The following AHNAK2 variants were observed in gnomAD, a reference collection of about 807,000 sequenced individuals.
The protein encoded by AHNAK2 is protein AHNAK2.
Under a neutral mutation model 30.7 loss-of-function variants are expected in AHNAK2, and 18 were observed. The ratio of observed to expected loss-of-function variants is 0.59; its 90% CI spans 0.41 to 0.87. The LOEUF is 0.87. AHNAK2 is among the 40% of genes least tolerant of loss of function. The pLI, the probability that AHNAK2 is intolerant of heterozygous loss-of-function variation, is 0.00. For missense variants in AHNAK2, 8,604 were observed against 7,373.0 expected, an observed-to-expected ratio of 1.17 and a Z score of -6.11; for synonymous variants, 3,590 against 3,073.8, an observed-to-expected ratio of 1.17 and a Z score of -5.56.
In AHNAK2 at chr14:104,944,826, A is replaced by C; in HGVS notation, c.10625T>G (p.Leu3542Arg). The change falls in exon 7 of 7, where the codon CTG becomes CGG. Residue 3542 changes from leucine (L) to arginine (R), a missense_variant. Physicochemically the swap from Leu to Arg is moderately radical, Grantham distance 102. Coordinates refer to ENST00000333244, the MANE Select transcript of AHNAK2 (RefSeq NM_138420.4). ...VQAVQVDVELLEGPVPEGAGL... is the reference protein window; with the variant it reads ...VQAVQVDVELREGPVPEGAGL... ...GGCTCCCTCGGGCACGGGGCCCTCC[A>C]GGAGTTCCACATCCACTTGGACAGC... 6.2e-7 allele frequency: 1 copy of C among 1,610,844 alleles called. No individual in the cohort carries two copies. Among genetic ancestry groups the C allele is most frequent in the African/African-American group, 1.3e-5 (1 of 74,222 alleles).
Position 104,953,222 on chromosome 14 carries a change from A to G in AHNAK2, c.2229T>C (p.Leu743=), listed in dbSNP as rs74525871. The part of the protein sequence containing the change: ...EVQDGQVDVK[L]PEGPLPEGAS... ...CTCCCTCGGGCAGGGGGCCCTCCGG[A>G]AGTTTCACATCCACTTGGCCATCCT... The change falls in exon 7 of 7, where the codon CTT becomes CTC. Residue 743 remains leucine, a synonymous_variant. Coordinates refer to ENST00000333244, the MANE Select transcript of AHNAK2 (RefSeq NM_138420.4). 115,140 of 1,612,376 alleles carry G rather than the reference A, an allele frequency of 0.071. 8,951 individuals are homozygous for G. The highest frequency in any genetic ancestry group is 0.3 in the East Asian group (13,615 of 44,750).
chr14:104,956,598 C>T lies in AHNAK2; in HGVS notation c.305G>A (p.Ser102Asn). Residue 102 changes from serine (S) to asparagine (N), a missense_variant, in exon 4 of 7, where the codon AGT becomes AAT. Physicochemically the swap from Ser to Asn is conservative, Grantham distance 46 (BLOSUM62 1). Transcript: ENST00000333244. Reference protein sequence around the residue: ...SGDSRTFFRMSRPEAVQEATE... With the variant: ...SGDSRTFFRMNRPEAVQEATE... ...TCCTGCTGTACCCACCTCTGGACGA[C>T]TCATCCTGAAAAATGTCCGTGAGTC... The T allele has an allele frequency of 6.2e-7, 1 of 1,613,950 alleles. No homozygotes were observed.
chr14:104,947,610 A>G lies in AHNAK2; in HGVS notation c.7841T>C (p.Met2614Thr), dbSNP rs1174093266. ...APDVEMSLSS[M>T]EVDVQAPRAK... ...TCTCGGGGCCTGGACGTCCACCTCCATGCTGGACAGAGACATCTCCACATC... is the reference window on the plus strand; with the variant it reads ...TCTCGGGGCCTGGACGTCCACCTCCGTGCTGGACAGAGACATCTCCACATC... The change falls in exon 7 of 7, where the codon ATG (methionine) becomes ACG (threonine). Residue 2614 changes from methionine to threonine, a missense_variant. Coordinates refer to ENST00000333244, the MANE Select transcript of AHNAK2 (RefSeq NM_138420.4). 1 of 1,612,800 alleles carries G rather than the reference A, an allele frequency of 6.2e-7. No homozygotes were observed. Among genetic ancestry groups the G allele is most frequent in the Non-Finnish European group, 8.5e-7 (1 of 1,179,598 alleles).
Position 104,939,754 on chromosome 14 carries a change from T to C in AHNAK2, c.15697A>G (p.Lys5233Glu), listed in dbSNP as rs749050687. The C allele has an allele frequency of 2.5e-6, 4 of 1,613,846 alleles. No individual in the cohort carries two copies. The highest frequency in any genetic ancestry group is 4.5e-5 in the East Asian group (2 of 44,886). ...TTTGACCCAGAAACAAGGAACTCTT[T>C]GACTTTAGCTGCTGCTTCACCCCCT... The part of the protein sequence containing the change: ...ATGGEAAAKV[K>E]EFLVSGSNVE... The change falls in exon 7 of 7, where the codon AAA (lysine) becomes GAA (glutamate). Residue 5233 changes from lysine to glutamate, a missense_variant. Coordinates refer to ENST00000333244, the MANE Select transcript of AHNAK2 (RefSeq NM_138420.4).
At position 104,946,257 on chromosome 14, in the gene AHNAK2, T is replaced by C; in HGVS notation, c.9194A>G (p.Gln3065Arg). Residue 3065 changes from glutamine to arginine, a missense_variant, in exon 7 of 7, where the codon CAG becomes CGG. Transcript: ENST00000333244. Reference protein sequence around the residue: ...AGLKGHLPKLQMPSFKMPKVD... With the variant: ...AGLKGHLPKLRMPSFKMPKVD... ...TTTGGGCATCTTGAAACTGGGCATC[T>C]GCAACTTGGGCAGGTGCCCTTTGAG... The C allele has an allele frequency of 2.5e-6, 4 of 1,609,596 alleles. No individual in the cohort carries two copies. The highest frequency in any genetic ancestry group is 3.4e-6 in the Non-Finnish European group (4 of 1,178,276).
At position 104,949,232 on chromosome 14, in the gene AHNAK2, C is replaced by T. The variant is rs549832303; in HGVS notation, c.6219G>A (p.Lys2073=). ...EGAGLKGHLP[K]VEMPSLKMPK... The stretch of plus-strand genomic sequence containing the variant: ...GCATCTTCAAACTGGGCATCTCCAC[C>T]TTGGGCAGGTGCCCTTTGAGGCCAG... Residue 2073 remains lysine (K), a synonymous_variant, in exon 7 of 7, where the codon AAG becomes AAA. Coordinates refer to ENST00000333244, the MANE Select transcript of AHNAK2 (RefSeq NM_138420.4). 439 of 1,070,326 alleles carry T rather than the reference C, an allele frequency of 4.1e-4. 2 individuals are homozygous for T. In the African/African-American group the frequency reaches 5.6e-3, roughly 14 times the overall value. 66.3% of individuals were successfully genotyped at this position (1,070,326 alleles called of 1,614,324 possible). A position where few individuals can be genotyped will look rare whatever the true frequency, so the allele number is the denominator to read the frequency against.
Position 104,942,712 on chromosome 14 carries a change from C to G in AHNAK2, c.12739G>C (p.Gly4247Arg). ...GGGGTCATCACATCCGCCTTGGGGCCTTTCAGGTCCAGCTTGGGGCCCTTG... is the reference window on the plus strand; with the variant it reads ...GGGGTCATCACATCCGCCTTGGGGCGTTTCAGGTCCAGCTTGGGGCCCTTG... ...DVKGPKLDLK[G>R]PKADVMTPVV... Residue 4247 changes from glycine (G) to arginine (R), a missense_variant, in exon 7 of 7, where the codon GGC becomes CGC. Transcript: ENST00000333244. 6.2e-7 allele frequency: 1 copy of G among 1,613,392 alleles called. No homozygotes were observed. The highest frequency in any genetic ancestry group is 8.5e-7 in the Non-Finnish European group (1 of 1,179,730).
At position 104,947,348 on chromosome 14, in the gene AHNAK2, G is replaced by T. The variant is rs1245689223; in HGVS notation, c.8103C>A (p.Pro2701=). The part of the protein sequence containing the change: ...LKTTDISIQP[P]SAQLEVQAGQ... Reference sequence around the variant, plus strand: ...CAGCCTGGACCTCCAGTTGGGCAGAGGGGGGCTGAATGCTGATGTCAGTGG... The same window carrying T: ...CAGCCTGGACCTCCAGTTGGGCAGATGGGGGCTGAATGCTGATGTCAGTGG... The change falls in exon 7 of 7, where the codon CCC becomes CCA. Residue 2701 remains proline (P), a synonymous_variant. Coordinates refer to ENST00000333244, the MANE Select transcript of AHNAK2 (RefSeq NM_138420.4). 6.2e-7 allele frequency: 1 copy of T among 1,612,270 alleles called. No individual in the cohort carries two copies. The highest frequency in any genetic ancestry group is 1.3e-5 in the African/African-American group (1 of 74,262).
At position 104,956,586 on chromosome 14, in the gene AHNAK2, A is replaced by T. The variant is rs746754125; in HGVS notation, c.315+2T>A. The T allele has an allele frequency of 1.9e-6, 3 of 1,613,320 alleles. No individual in the cohort carries two copies. Among genetic ancestry groups the T allele is most frequent in the Non-Finnish European group, 2.5e-6 (3 of 1,179,672 alleles). On this transcript the variant is annotated splice_donor_variant, in intron 4 of 6. Coordinates refer to ENST00000333244, the MANE Select transcript of AHNAK2 (RefSeq NM_138420.4). LOFTEE classifies it high-confidence loss of function. ...GTGACCCTCAGCTCCTGCTGTACCC[A>T]CCTCTGGACGACTCATCCTGAAAAA...
rs1200004871 is a variant in AHNAK2 at position 104,947,831 on chromosome 14, C to T, written c.7620G>A (p.Leu2540=). ...DLSIQPPSAD[L]EVQAGQVDVK... is the part of the protein sequence containing the mutation. ...CGTCCACTTGGCCAGCCTGGACCTCCAGGTCAGCGGAAGGGGGCTGAATGC... is the reference window on the plus strand; with the variant it reads ...CGTCCACTTGGCCAGCCTGGACCTCTAGGTCAGCGGAAGGGGGCTGAATGC... Residue 2540 remains leucine (L), a synonymous_variant, in exon 7 of 7, where the codon CTG becomes CTA. Coordinates refer to ENST00000333244, the MANE Select transcript of AHNAK2 (RefSeq NM_138420.4). 6.2e-7 allele frequency: 1 copy of T among 1,612,728 alleles called. No homozygotes were observed. Among genetic ancestry groups the T allele is most frequent in the Non-Finnish European group, 8.5e-7 (1 of 1,179,630 alleles).
rs1168663763 is a variant in AHNAK2 at position 104,938,142 on chromosome 14, G to T, written c.17309C>A (p.Thr5770Lys). The part of the protein sequence containing the change: ...SRVMVTSAAR[T>K]ELILPEQDRK... ...GTCCTGCTCGGGCAGGATTAACTCT[G>T]TTCTTGCCGCGGATGTCACCATCAC... The change falls in exon 7 of 7, where the codon ACA (threonine) becomes AAA (lysine). Residue 5770 changes from threonine to lysine, a missense_variant. Transcript: ENST00000333244. 4.3e-6 allele frequency: 7 copies of T among 1,613,938 alleles called. No homozygotes were observed. Among genetic ancestry groups the T allele is most frequent in the Non-Finnish European group, 5.9e-6 (7 of 1,179,890 alleles).
Position 104,959,690 on chromosome 14 carries a change from C to A in AHNAK2, c.56-2018G>T, listed in dbSNP as rs187779450. 2.3e-3 allele frequency among the ~76,000 whole-genome samples: 355 copies of A among 152,174 alleles called. 3 individuals are homozygous for A. The highest frequency in any genetic ancestry group is 8.0e-3 in the African/African-American group (333 of 41,520). On this transcript the variant is annotated intron_variant, in intron 1 of 6. Coordinates refer to ENST00000333244, the MANE Select transcript of AHNAK2 (RefSeq NM_138420.4). The stretch of plus-strand genomic sequence containing the variant: ...AAAAATAAAGGCATTCCCAAATGAA[C>A]AAAGACTTGGAAATGTCATTGCTAG...
Position 104,950,012 on chromosome 14 carries a change from G to C in AHNAK2, c.5439C>G (p.Asp1813Glu). The C allele has an allele frequency of 6.3e-7, 1 of 1,587,166 alleles. No homozygotes were observed. The highest frequency in any genetic ancestry group is 8.6e-7 in the Non-Finnish European group (1 of 1,163,216). ...TGCTGTCTTTGGCAGTCACATCCTTGTCGGCCAGGGACAGGTCACCCTCCA... is the reference window on the plus strand; with the variant it reads ...TGCTGTCTTTGGCAGTCACATCCTTCTCGGCCAGGGACAGGTCACCCTCCA... ...VRLEGDLSLA[D>E]KDVTAKDSKF... Residue 1813 changes from aspartate to glutamate, a missense_variant, in exon 7 of 7, where the codon GAC (aspartate) becomes GAG (glutamate). Coordinates refer to ENST00000333244, the MANE Select transcript of AHNAK2 (RefSeq NM_138420.4).
rs766190110 is a variant in AHNAK2, at chr14:104,939,242, A to T, written c.16209T>A (p.Asp5403Glu). The change falls in exon 7 of 7, where the codon GAT (aspartate) becomes GAA (glutamate). Residue 5403 changes from aspartate (D) to glutamate (E), a missense_variant. By Grantham distance (45) the Asp-to-Glu change is conservative. Transcript: ENST00000333244. ...CCCTCACAGTGGGGATGAACACATC[A>T]TCCTCTGAGCTGGGGGCAGGGAAGG... is the stretch of plus-strand genomic sequence containing the variant. ...RFSFPAPSSE[D>E]DVFIPTVREV... 3 of 1,613,914 alleles carry T rather than the reference A, an allele frequency of 1.9e-6. No homozygotes were observed. The highest frequency in any genetic ancestry group is 2.5e-6 in the Non-Finnish European group (3 of 1,179,908).
rs745870336 is a variant in AHNAK2 at position 104,952,425 on chromosome 14, C to G, written c.3026G>C (p.Gly1009Ala). 6.2e-7 allele frequency: 1 copy of G among 1,612,616 alleles called. No individual in the cohort carries two copies. The highest frequency in any genetic ancestry group is 8.5e-7 in the Non-Finnish European group (1 of 1,179,588). ...GATGGACTTCCCTGGGGCCGATACC[C>G]CGAACGACGGCATCTTGAACTTGGG... is the stretch of plus-strand genomic sequence containing the variant. The part of the protein sequence containing the change: ...KMPKFKMPSF[G>A]VSAPGKSIKA... Residue 1009 changes from glycine to alanine, a missense_variant, in exon 7 of 7, where the codon GGG (glycine) becomes GCG (alanine). Transcript: ENST00000333244.
chr14:104,950,485 T>C lies in AHNAK2; in HGVS notation c.4966A>G (p.Ser1656Gly), dbSNP rs1595413256. 1 of 1,586,652 alleles carries C rather than the reference T, an allele frequency of 6.3e-7. No homozygotes were observed. Among genetic ancestry groups the C allele is most frequent in the South Asian group, 1.1e-5 (1 of 89,646 alleles). Residue 1656 changes from serine to glycine, a missense_variant, in exon 7 of 7, where the codon AGC (serine) becomes GGC (glycine). By Grantham distance (56) the Ser-to-Gly change is moderately conservative. Transcript: ENST00000333244. ...TTGAACTTGGGCATTTTGAACTTGC[T>C]GTCTTTGGCAGTCACCGCCTTGTCG... The part of the protein sequence containing the change: ...LADKAVTAKD[S>G]KFKMPKFKMP...
At position 104,949,750 on chromosome 14, in the gene AHNAK2, C is replaced by A. The variant is rs59117977; in HGVS notation, c.5701G>T (p.Gly1901Cys). Residue 1901 changes from glycine to cysteine, a missense_variant, in exon 7 of 7, where the codon GGC (glycine) becomes TGC (cysteine). Gly to Cys is a radical substitution (Grantham distance 159). Coordinates refer to ENST00000333244, the MANE Select transcript of AHNAK2 (RefSeq NM_138420.4). ...ACCTTGGGCAAGTGCCCTTTGAGGC[C>A]GGCTCCCTCGGGCACCTGGCCCTCC... ...LPEGQVPEGA[G>C]LKGHLPKVDM... The A allele has an allele frequency of 1.3e-6, 2 of 1,587,370 alleles. No homozygotes were observed. Among genetic ancestry groups the A allele is most frequent in the African/African-American group, 2.8e-5 (2 of 72,662 alleles).
Position 104,938,467 on chromosome 14 carries a change from C to T in AHNAK2, c.16984G>A (p.Gly5662Ser), listed in dbSNP as rs534841157. 1.9e-6 allele frequency: 3 copies of T among 1,613,888 alleles called. No individual in the cohort carries two copies. In the South Asian group the frequency reaches 3.3e-5, roughly 18 times the overall value. The change falls in exon 7 of 7, where the codon GGT becomes AGT. Residue 5662 changes from glycine to serine, a missense_variant. Coordinates refer to ENST00000333244, the MANE Select transcript of AHNAK2 (RefSeq NM_138420.4). Reference sequence around the variant, plus strand: ...TGGACGTCATTTTTGGAATCAACACCTGTCTCATCAACAGAAGAGGAAAAC... The same window carrying T: ...TGGACGTCATTTTTGGAATCAACACTTGTCTCATCAACAGAAGAGGAAAAC... ...IGFSSSVDET[G>S]VDSKNDVQRS...
Position 104,939,255 on chromosome 14 carries a change from G to A in AHNAK2, c.16196C>T (p.Pro5399Leu). The part of the protein sequence containing the change: ...LMVPRFSFPA[P>L]SSEDDVFIPT... ...GATGAACACATCATCCTCTGAGCTG[G>A]GGGCAGGGAAGGAGAACCTTGGTAC... The change falls in exon 7 of 7, where the codon CCC (proline) becomes CTC (leucine). Residue 5399 changes from proline to leucine, a missense_variant. Coordinates refer to ENST00000333244, the MANE Select transcript of AHNAK2 (RefSeq NM_138420.4). 6.2e-7 allele frequency: 1 copy of A among 1,613,910 alleles called. No individual in the cohort carries two copies. Among genetic ancestry groups the A allele is most frequent in the Non-Finnish European group, 8.5e-7 (1 of 1,179,900 alleles).
Sources: allele counts gnomAD v4.1 joint callset (sites outside exome capture counted in the v4.1 genomes callset), GRCh38; gene constraint gnomAD v4.1.1; transcripts MANE v1.5; gene names NCBI Gene and HGNC (gene_info 2026-07-23, HGNC 2026-07-21).